CACUL1: variants seen among roughly 807,000 people sequenced by gnomAD.
The protein encoded by CACUL1 is CDK2-associated and cullin domain-containing protein 1.
A neutral mutation model predicts 45.2 loss-of-function variants in CACUL1; 13 were observed. The observed-to-expected ratio is 0.29, with a 90% CI of 0.19 to 0.46. CACUL1 has a LOEUF of 0.46. CACUL1 is among the 20% of genes least tolerant of loss of function. CACUL1 has a pLI of 1.00. For synonymous variants in CACUL1, 197 were observed against 174.2 expected (o/e 1.13, Z -1.03); for missense variants, 421 against 471.4 (o/e 0.89, Z 0.99).
chr10:118,732,388 C>T (rs562742855), intron 1 of CACUL1, among the ~76,000 whole-genome samples: 85 of 152,246 alleles, frequency 5.6e-4, no homozygotes, highest in Non-Finnish European at 9.6e-4. Context: ...GAAGACTGCA[C>T]GAAAAGCTTA....
intron 4 of CACUL1, among the ~76,000 whole-genome samples, chr10:118,704,928 G>A (rs1845419136): frequency 6.6e-6 from 1 of 152,240 alleles, no homozygotes; most frequent in Admixed American, 6.5e-5. Context: ...TAACACAGGC[G>A]AGCTGGGGCA....
In CACUL1 at chr10:118,754,423, T is replaced by C. The variant is rs777133127; in HGVS notation, c.340A>G (p.Asn114Asp). The change falls in exon 1 of 9, where the codon AAC (asparagine) becomes GAC (aspartate). Residue 114 changes from asparagine (N) to aspartate (D), a missense_variant. Transcript: ENST00000369151. ...AACTTGGAGGTGGAGGTGTTGATGT[T>C]GATGGTGGAGCTGGCGGTGGGGGCG... ...APAPTASSTI[N>D]INTSTSKFLM... 3 of 1,592,750 alleles carry C rather than the reference T, an allele frequency of 1.9e-6. No homozygotes were observed. In the South Asian group the frequency reaches 3.4e-5, roughly 18 times the overall value.
chr10:118,745,868 G>A (rs1845838394), intron 1 of CACUL1, among the ~76,000 whole-genome samples: 1 of 151,966 alleles, frequency 6.6e-6, no homozygotes, highest in Admixed American at 6.6e-5. Flanking sequence ...GCTGGGAATG[G>A]TGGCTCATGC....
At chr10:118,741,939 A>G (rs1845797164) in intron 1 of CACUL1, among the ~76,000 whole-genome samples, 1 of 152,162 alleles carries the variant, frequency 6.6e-6, no homozygotes, top group Admixed American at 6.5e-5. Flanking sequence ...TCTGCAAGGA[A>G]GTCTCTTCCA....
intron 3 of CACUL1, among the ~76,000 whole-genome samples, chr10:118,714,100 A>C (rs762629440): frequency 2.6e-5 from 4 of 152,216 alleles, no homozygotes; most frequent in Non-Finnish European, 5.9e-5. Flanking sequence ...ACATTTTTGC[A>C]AGTCTCTTTA....
chr10:118,698,847 A>T (rs1160102057), intron 5 of CACUL1, among the ~76,000 whole-genome samples: 7 of 152,366 alleles, frequency 4.6e-5, no homozygotes, highest in African/African-American at 1.7e-4. Flanking sequence ...AGTTTTCCAG[A>T]TCTATCTGAA....
At chr10:118,704,389 C>A (rs1038625450) in intron 4 of CACUL1, among the ~76,000 whole-genome samples, 1 of 152,130 alleles carries the variant, frequency 6.6e-6, no homozygotes, top group Non-Finnish European at 1.5e-5. Flanking sequence ...ATTACCATAG[C>A]CTTCTCATTC....
At chr10:118,730,016 T>C (rs1215096556) in intron 2 of CACUL1, among the ~76,000 whole-genome samples, 1 of 152,242 alleles carries the variant, frequency 6.6e-6, no homozygotes, top group Non-Finnish European at 1.5e-5. Context: ...CACCAGATAC[T>C]TCAGTCATTC....
At chr10:118,690,565 A>C (rs930148567) in intron 7 of CACUL1, among the ~76,000 whole-genome samples, 1 of 152,250 alleles carries the variant, frequency 6.6e-6, no homozygotes, top group African/African-American at 2.4e-5. Flanking sequence ...AGAAACCACT[A>C]GAATTTAGGG....
chr10:118,709,281 G>A (rs1404193716), intron 3 of CACUL1, among the ~76,000 whole-genome samples: 3 of 152,226 alleles, frequency 2.0e-5, no homozygotes, highest in Non-Finnish European at 4.4e-5. Context: ...GACCTACACA[G>A]GTCAAACCCG....
At chr10:118,715,530 ACCACTGG>A (rs1845533636) in intron 3 of CACUL1, among the ~76,000 whole-genome samples, 1 of 152,222 alleles carries the variant, frequency 6.6e-6, no homozygotes, top group Non-Finnish European at 1.5e-5. Context: ...CACTATGGTA[ACCACTGG>A]CCACGTTTGG....
intron 6 of CACUL1, 110 bp from the exon 7 acceptor site, chr10:118,691,513 G>A: frequency 1.1e-6 from 1 of 924,476 alleles, no homozygotes; most frequent in Non-Finnish European, 1.7e-6. Context: ...TTAAGCAGGG[G>A]AAAAAATTAG....
chr10:118,678,276 G>A lies in CACUL1; in HGVS notation c.*7852C>T, dbSNP rs1845116490. 6.6e-6 allele frequency: 1 copy of A among 152,156 alleles called. No homozygotes were observed. Among genetic ancestry groups the A allele is most frequent in the Non-Finnish European group, 1.5e-5 (1 of 68,020 alleles). The allele number at this position is 152,156 out of a possible 1,614,324, so 9.4% of individuals were successfully genotyped here. Reference sequence around the variant, plus strand: ...CACTCTACAGCATGTTTGGTAATAAGTACTTACAATCAATGGTAGCCAAAT... The same window carrying A: ...CACTCTACAGCATGTTTGGTAATAAATACTTACAATCAATGGTAGCCAAAT... On this transcript the variant is annotated 3_prime_UTR_variant, in exon 9 of 9. Coordinates refer to ENST00000369151, the MANE Select transcript of CACUL1 (RefSeq NM_153810.5).
intron 3 of CACUL1, among the ~76,000 whole-genome samples, chr10:118,719,743 G>A (rs537786685): frequency 1.3e-5 from 2 of 152,152 alleles, no homozygotes; most frequent in Non-Finnish European, 2.9e-5. Flanking sequence ...TCCTGGAGGC[G>A]GAGGTTGCGG....
chr10:118,718,893 C>A (rs1471167608), intron 3 of CACUL1, among the ~76,000 whole-genome samples: 1 of 152,142 alleles, frequency 6.6e-6, no homozygotes, highest in Non-Finnish European at 1.5e-5. Flanking sequence ...CATTTCTAAG[C>A]AGAAACTGTT....
chr10:118,749,546 CAGACA>C (rs1325573958), intron 1 of CACUL1, among the ~76,000 whole-genome samples: 1 of 152,214 alleles, frequency 6.6e-6, no homozygotes, highest in Non-Finnish European at 1.5e-5. Context: ...AGCCTATTCA[CAGACA>C]CAGAAATGCT....
chr10:118,676,432 TTTA>T lies in CACUL1; in HGVS notation c.*9693_*9695del, dbSNP rs1027391150. The T allele has an allele frequency of 1.3e-5, 2 of 152,174 alleles. No homozygotes were observed. Among genetic ancestry groups the T allele is most frequent in the Non-Finnish European group, 2.9e-5 (2 of 68,038 alleles). The allele number at this position is 152,174 out of a possible 1,614,324, so 9.4% of individuals were successfully genotyped here. On this transcript the variant is annotated 3_prime_UTR_variant, in exon 9 of 9. Coordinates refer to ENST00000369151, the MANE Select transcript of CACUL1 (RefSeq NM_153810.5). The stretch of plus-strand genomic sequence containing the variant: ...TTACTGACATTGGAAAAGATGAAAA[TTTA>T]TTATAAAAATTTCAACAACACACTT...
chr10:118,739,140 G>A (rs1435702457), intron 1 of CACUL1, among the ~76,000 whole-genome samples: 2 of 151,348 alleles, frequency 1.3e-5, no homozygotes, highest in African/African-American at 4.9e-5. Flanking sequence ...AGCTTGCAGT[G>A]AGCCGAGATC....
At chr10:118,695,783 G>T (rs1234879567) in intron 5 of CACUL1, among the ~76,000 whole-genome samples, 1 of 152,190 alleles carries the variant, frequency 6.6e-6, no homozygotes, top group Non-Finnish European at 1.5e-5. Context: ...AACAGAGACA[G>T]TTTTCTTTTA....
Sources: allele counts gnomAD v4.1 joint callset (sites outside exome capture counted in the v4.1 genomes callset), GRCh38; gene constraint gnomAD v4.1.1; transcripts MANE v1.5; gene names NCBI Gene and HGNC (gene_info 2026-07-23, HGNC 2026-07-21).